The following FRAS1 variants were observed in gnomAD, a reference collection of about 807,000 sequenced individuals.
The protein encoded by FRAS1 is Fraser extracellular matrix complex subunit 1, also known as extracellular matrix organizing protein FRAS1.
A neutral mutation model predicts 435.2 loss-of-function variants in FRAS1; 290 were observed. The observed-to-expected ratio is 0.67, with a 90% CI of 0.61 to 0.73. The LOEUF (loss-of-function observed/expected upper bound fraction) is 0.73. Among genes scored for constraint, FRAS1 ranks in the 30% least tolerant of loss-of-function variants. The pLI is 0.00. For missense variants in FRAS1, 4,860 were observed against 5,001.5 expected (o/e 0.97, Z 0.85); for synonymous variants, 1,800 against 1,851.0 (o/e 0.97, Z 0.71).
chr4:78,372,496 T>C (rs1731554728), intron 23 of FRAS1, among the ~76,000 whole-genome samples: 1 of 152,210 alleles, frequency 6.6e-6, no homozygotes, highest in Non-Finnish European at 1.5e-5. Context: ...CATAGAGTGC[T>C]CCTTGTACAT....
intron 38 of FRAS1, among the ~76,000 whole-genome samples, chr4:78,437,805 A>G (rs994831318): frequency 3.3e-5 from 5 of 152,232 alleles, no homozygotes; most frequent in Non-Finnish European, 7.3e-5. Flanking sequence ...AAACTTTATA[A>G]GAAGATGTTG....
chr4:78,130,512 A>G (rs1719632880), intron 2 of FRAS1, among the ~76,000 whole-genome samples: 1 of 152,150 alleles, frequency 6.6e-6, no homozygotes, highest in Non-Finnish European at 1.5e-5. Flanking sequence ...TCCAGAATCA[A>G]CTTTTTCCCC....
At chr4:78,469,410 A>G (rs1009857790) in intron 50 of FRAS1, among the ~76,000 whole-genome samples, 37 of 152,134 alleles carry the variant, frequency 2.4e-4, no homozygotes, top group Admixed American at 1.9e-3. Flanking sequence ...AAATGCTTTT[A>G]TTTCTGATTT....
At chr4:78,195,664 G>A (rs573217876) in intron 2 of FRAS1, among the ~76,000 whole-genome samples, 11 of 152,292 alleles carry the variant, frequency 7.2e-5, no homozygotes, top group Admixed American at 4.6e-4. Context: ...TCCAGGTGCT[G>A]TCTTGTCACC....
At chr4:78,472,380 A>G in intron 52 of FRAS1, 50 bp downstream of exon 52, 1 of 1,482,518 alleles carries the variant, frequency 6.7e-7, no homozygotes. Flanking sequence ...TGCTAATGTC[A>G]CACTGCCTAT....
chr4:78,184,628 C>T (rs1350801704), intron 2 of FRAS1, among the ~76,000 whole-genome samples: 1 of 152,182 alleles, frequency 6.6e-6, no homozygotes, highest in Non-Finnish European at 1.5e-5. Context: ...GGGCAGTCTG[C>T]AACCCCTGGG....
intron 61 of FRAS1, 28 bp downstream of exon 61, chr4:78,499,949 G>C (rs1463121191): frequency 6.8e-7 from 1 of 1,471,486 alleles, no homozygotes; most frequent in Admixed American, 2.1e-5. Flanking sequence ...TCAATCTGTG[G>C]GTTTTACTTA....
intron 2 of FRAS1, among the ~76,000 whole-genome samples, chr4:78,122,165 C>T (rs1719069316): frequency 6.6e-6 from 1 of 152,060 alleles, no homozygotes; most frequent in Non-Finnish European, 1.5e-5. Flanking sequence ...TGTGATGTTC[C>T]CTTCCCTGTG....
chr4:78,522,596 A>G, intron 68 of FRAS1, 53 bp from the exon 69 acceptor site: 1 of 1,465,536 alleles, frequency 6.8e-7, no homozygotes, highest in Non-Finnish European at 9.3e-7. Context: ...GGTACAGTCA[A>G]ACTAAAGCTC....
chr4:78,181,560 G>T, intron 2 of FRAS1: 2 of 1,611,374 alleles, frequency 1.2e-6, no homozygotes, highest in Non-Finnish European at 1.7e-6. Flanking sequence ...CCACGACCTC[G>T]AATAGGTCGG....
intron 6 of FRAS1, among the ~76,000 whole-genome samples, chr4:78,263,070 G>A (rs1726189321): frequency 1.3e-5 from 2 of 152,190 alleles, no homozygotes; most frequent in African/African-American, 4.8e-5. Flanking sequence ...TAGACTCTGT[G>A]GTTAGAAGGG....
intron 2 of FRAS1, among the ~76,000 whole-genome samples, chr4:78,121,151 C>A (rs1194069543): frequency 1.3e-5 from 2 of 152,118 alleles, no homozygotes; most frequent in African/African-American, 2.4e-5. Flanking sequence ...AGTATTCCAG[C>A]GGTAAGCCTG....
intron 22 of FRAS1, among the ~76,000 whole-genome samples, chr4:78,366,845 C>T (rs1020129985): frequency 6.6e-6 from 1 of 152,126 alleles, no homozygotes; most frequent in African/African-American, 2.4e-5. Flanking sequence ...TGTAATACCA[C>T]GGAAGCTGAG....
chr4:78,504,348 G>T (rs1299435135), intron 61 of FRAS1, among the ~76,000 whole-genome samples: 1 of 152,124 alleles, frequency 6.6e-6, no homozygotes, highest in African/African-American at 2.4e-5. Context: ...TTATTGTGTG[G>T]GAATCTAAAT....
chr4:78,081,269 A>G (rs1013712048), intron 2 of FRAS1, among the ~76,000 whole-genome samples: 6 of 152,166 alleles, frequency 3.9e-5, no homozygotes, highest in African/African-American at 1.4e-4. Flanking sequence ...CACAGTGAAA[A>G]TGCTCCATAT....
At chr4:78,483,152 T>G (rs1720062711) in intron 58 of FRAS1, among the ~76,000 whole-genome samples, 3 of 152,156 alleles carry the variant, frequency 2.0e-5, no homozygotes, top group Admixed American at 1.3e-4. Flanking sequence ...TGAGAGGCAT[T>G]GTGATCCAGC....
chr4:78,271,318 A>T (rs1459025004), intron 9 of FRAS1, among the ~76,000 whole-genome samples: 1 of 151,650 alleles, frequency 6.6e-6, no homozygotes, highest in Non-Finnish European at 1.5e-5. Flanking sequence ...TTCTCCATTA[A>T]TTTTTTTTAT....
chr4:78,316,421 T>C (rs1729256282), intron 16 of FRAS1, among the ~76,000 whole-genome samples: 1 of 152,142 alleles, frequency 6.6e-6, no homozygotes, highest in Non-Finnish European at 1.5e-5. Context: ...TAGACCCATC[T>C]CAACATCTCT....
intron 2 of FRAS1, among the ~76,000 whole-genome samples, chr4:78,120,723 A>T (rs1466618462): frequency 6.6e-6 from 1 of 152,222 alleles, no homozygotes; most frequent in Non-Finnish European, 1.5e-5. Flanking sequence ...TTAGGGGTCT[A>T]TCCCATAATG....
Sources: gnomAD v4.1 joint callset for allele counts (sites outside exome capture counted in the v4.1 genomes callset) on GRCh38, gnomAD v4.1.1 for gene constraint, MANE v1.5 for transcripts, NCBI Gene and HGNC (gene_info 2026-07-23, HGNC 2026-07-21) for gene names.